STAM2: variants seen among roughly 807,000 people sequenced by gnomAD.
STAM2 encodes the protein signal transducing adaptor molecule 2, also known as signal transducing adapter molecule 2.
In STAM2, 51 loss-of-function variants were observed where a neutral mutation model predicts 65.6. That is an observed-to-expected ratio of 0.78 (90% CI 0.62 to 0.98). The LOEUF is 0.98. Among genes scored for constraint, STAM2 ranks in the 50% least tolerant of loss-of-function variants. The probability of loss-of-function intolerance (pLI) is 0.00; values close to 1 mark genes in which losing one functional copy is unlikely to be tolerated. For synonymous variants in STAM2, 198 were observed against 208.4 expected (o/e 0.95, Z 0.43); for missense variants, 584 against 617.8 (o/e 0.95, Z 0.58).
chr2:152,135,449 A>G lies in STAM2; in HGVS notation c.799+60T>C, dbSNP rs185526106. Reference sequence around the variant, plus strand: ...AATCTACTTTACATCCAAAACTGAAACATAAAATTTAAGTGAAAAAAACTT... The same window carrying G: ...AATCTACTTTACATCCAAAACTGAAGCATAAAATTTAAGTGAAAAAAACTT... On this transcript the variant is annotated intron_variant, in intron 8 of 13. Transcript: ENST00000263904. 3.4e-4 allele frequency: 402 copies of G among 1,174,450 alleles called. No individual in the cohort carries two copies. In the African/African-American group the frequency reaches 5.8e-3, roughly 17 times the overall value. The allele number at this position is 1,174,450 out of a possible 1,614,324, so 72.8% of individuals were successfully genotyped here. A position where few individuals can be genotyped will look rare whatever the true frequency, so the allele number is the denominator to read the frequency against.
rs1688822744 is a variant in STAM2, at chr2:152,120,159, T to G, written c.*415A>C. On this transcript the variant is annotated 3_prime_UTR_variant, in exon 14 of 14. Transcript: ENST00000263904. ...TTAAAATAATATTTTAATCCTCCTA[T>G]CTCATACTGTTTATAAGTATGAGAT... 1 of 150,268 alleles carries G rather than the reference T, an allele frequency of 6.7e-6. No individual in the cohort carries two copies. Among genetic ancestry groups the G allele is most frequent in the Non-Finnish European group, 1.4e-5 (1 of 70,840 alleles). 9.3% of individuals were successfully genotyped at this position (150,268 alleles called of 1,614,324 possible).
chr2:152,121,628 C>T (rs1688854910), intron 13 of STAM2, among the ~76,000 whole-genome samples: 1 of 152,136 alleles, frequency 6.6e-6, no homozygotes. Context: ...CAAAATCAAC[C>T]CTCAGGATAG....
intron 12 of STAM2, chr2:152,124,297 TAA>T (rs1260672874): frequency 5.6e-6 from 1 of 179,510 alleles, no homozygotes; most frequent in Non-Finnish European, 1.2e-5. Flanking sequence ...CACCATCACT[TAA>T]AGTCACTATA....
At chr2:152,170,374 T>C (rs1371501384) in intron 1 of STAM2, among the ~76,000 whole-genome samples, 1 of 151,690 alleles carries the variant, frequency 6.6e-6, no homozygotes, top group East Asian at 2.0e-4. Context: ...TCCCAGCTAC[T>C]TGGGAGGCTG....
intron 7 of STAM2, among the ~76,000 whole-genome samples, chr2:152,140,960 C>A (rs1689235274): frequency 6.6e-6 from 1 of 151,054 alleles, no homozygotes; most frequent in African/African-American, 2.4e-5. Context: ...CATGATTAAA[C>A]CCTGTCTCTA....
chr2:152,173,971 CTA>C (rs1689958131), intron 1 of STAM2, among the ~76,000 whole-genome samples: 1 of 152,148 alleles, frequency 6.6e-6, no homozygotes, highest in Non-Finnish European at 1.5e-5. Context: ...ATAAAATAAT[CTA>C]GACACAGTTT....
intron 1 of STAM2, among the ~76,000 whole-genome samples, chr2:152,158,824 A>ACC (rs1288986801): frequency 6.6e-6 from 1 of 151,628 alleles, no homozygotes; most frequent in Non-Finnish European, 1.5e-5. Context: ...GAGTGAACCC[A>ACC]CCCCTGTAAG....
chr2:152,171,584 G>A (rs1389086758), intron 1 of STAM2, among the ~76,000 whole-genome samples: 2 of 152,242 alleles, frequency 1.3e-5, no homozygotes, highest in Non-Finnish European at 2.9e-5. Flanking sequence ...AGGACTGCAT[G>A]ACTGCATTTC....
At chr2:152,129,655 C>T (rs1025232277) in intron 11 of STAM2, among the ~76,000 whole-genome samples, 2 of 152,004 alleles carry the variant, frequency 1.3e-5, no homozygotes, top group South Asian at 2.1e-4. Flanking sequence ...GTTCTGCATC[C>T]GTGCACTCAA....
chr2:152,145,515 C>G (rs1579321992), intron 5 of STAM2, among the ~76,000 whole-genome samples: 1 of 152,226 alleles, frequency 6.6e-6, no homozygotes, highest in Non-Finnish European at 1.5e-5. Flanking sequence ...ACTTGGCATA[C>G]AGAAAGTACT....
At chr2:152,165,452 C>T (rs1349623319) in intron 1 of STAM2, among the ~76,000 whole-genome samples, 1 of 151,940 alleles carries the variant, frequency 6.6e-6, no homozygotes, top group Non-Finnish European at 1.5e-5. Flanking sequence ...GTCTCCAAGG[C>T]AGCCACTAAC....
intron 2 of STAM2, 105 bp from the exon 3 acceptor site, chr2:152,148,405 C>T: frequency 1.1e-6 from 1 of 929,422 alleles, no homozygotes; most frequent in Non-Finnish European, 1.6e-6. Context: ...TTTAATGGCT[C>T]ATGCCTGTAA....
intron 1 of STAM2, among the ~76,000 whole-genome samples, chr2:152,156,311 C>A (rs1056457921): frequency 4.6e-5 from 7 of 152,064 alleles, no homozygotes; most frequent in Admixed American, 1.3e-4. Flanking sequence ...TCATAATGGC[C>A]TGCCAAAAAG....
chr2:152,154,618 T>TACAAA (rs141475550), intron 1 of STAM2, among the ~76,000 whole-genome samples: 35,047 of 151,390 alleles, frequency 0.23, 4,099 homozygotes, highest in Admixed American at 0.31. Flanking sequence ...CCCCTGTCTC[T>TACAAA]ACAAAACAAA....
intron 8 of STAM2, among the ~76,000 whole-genome samples, chr2:152,134,951 GGCTGCAGACTGACTAAAGTTCAGCA>G (rs1689127891): frequency 6.6e-6 from 1 of 152,190 alleles, no homozygotes; most frequent in South Asian, 2.1e-4. Context: ...AACTGTCTGT[GGCTGCAGACTGACTAAAGTTCAGCA>G]GATCTGAAAC....
chr2:152,131,480 A>G (rs992427425), intron 11 of STAM2: 1 of 152,396 alleles, frequency 6.6e-6, no homozygotes, highest in Non-Finnish European at 1.5e-5. Context: ...ACTGTTACCT[A>G]AATAAAAAAC....
chr2:152,147,452 G>A, intron 4 of STAM2, 144 bp from the exon 5 acceptor site: 2 of 711,112 alleles, frequency 2.8e-6, no homozygotes, highest in Non-Finnish European at 4.3e-6. Context: ...GCCTAGTTGA[G>A]TAATTGATAG....
chr2:152,136,918 G>C (rs1326238743), intron 7 of STAM2, among the ~76,000 whole-genome samples: 19 of 137,530 alleles, frequency 1.4e-4, no homozygotes, highest in Non-Finnish European at 1.8e-4. Context: ...TTTTTGAGAC[G>C]AGGTCTTGCT....
intron 7 of STAM2, among the ~76,000 whole-genome samples, chr2:152,137,645 T>G (rs1225615760): frequency 1.3e-5 from 2 of 152,188 alleles, no homozygotes; most frequent in Admixed American, 6.5e-5. Flanking sequence ...GGCAATCTTT[T>G]CTTTCATGGC....
Sources: gnomAD v4.1 joint callset for allele counts (sites outside exome capture counted in the v4.1 genomes callset) on GRCh38, gnomAD v4.1.1 for gene constraint, MANE v1.5 for transcripts, NCBI Gene and HGNC (gene_info 2026-07-23, HGNC 2026-07-21) for gene names.